Variants in DCAF6 observed in about 807,000 individuals in gnomAD.
DCAF6 encodes DDB1- and CUL4-associated factor 6.
DCAF6 carries 54 observed loss-of-function variants against 125.1 expected under a neutral mutation model. That is an observed-to-expected ratio of 0.43 (90% CI 0.35 to 0.54). DCAF6 has a LOEUF of 0.54. DCAF6 is among the 20% of genes least tolerant of loss of function. The probability of loss-of-function intolerance (pLI) is 0.01; values close to 1 mark genes in which losing one functional copy is unlikely to be tolerated. For missense variants in DCAF6, 934 were observed against 1,161.7 expected (o/e 0.80, Z 2.85); for synonymous variants, 371 against 390.4 (o/e 0.95, Z 0.58).
In DCAF6 at chr1:167,993,213, G is replaced by C. The variant is rs1354119767; in HGVS notation, c.689-13G>C. 1.3e-6 allele frequency: 2 copies of C among 1,590,362 alleles called. No homozygotes were observed. The highest frequency in any genetic ancestry group is 1.8e-5 in the Admixed American group (1 of 55,134). ...CATTATTAATTTTAAATAACTTCTT[G>C]TTTCTTTTTTAGGGAATTATGCAGG... is the stretch of plus-strand genomic sequence containing the variant. On this transcript the variant is annotated splice_polypyrimidine_tract_variant and intron_variant, in intron 6 of 21. Coordinates refer to ENST00000367840, the MANE Select transcript of DCAF6 (RefSeq NM_001198956.2).
chr1:167,869,831 C>G, the DCAF6 span, among the ~76,000 whole-genome samples: 1 of 152,062 alleles, frequency 6.6e-6, no homozygotes, highest in African/African-American at 2.4e-5. Flanking sequence ...TGCCGATTCT[C>G]CCAGCTGATT....
chr1:168,061,369 T>C (rs1691574931), intron 17 of DCAF6, among the ~76,000 whole-genome samples: 1 of 152,226 alleles, frequency 6.6e-6, no homozygotes, highest in Non-Finnish European at 1.5e-5. Flanking sequence ...TAGAAGTATA[T>C]AATTGTTACA....
At chr1:168,002,083 C>T (rs1398125640) in intron 7 of DCAF6, among the ~76,000 whole-genome samples, 2 of 151,962 alleles carry the variant, frequency 1.3e-5, no homozygotes, top group Non-Finnish European at 2.9e-5. Context: ...AATGATGGTT[C>T]CCATTGTTAA....
the DCAF6 span, chr1:167,893,780 T>C: frequency 6.4e-5 from 65 of 1,011,510 alleles, no homozygotes; most frequent in Non-Finnish European, 9.4e-5. Flanking sequence ...GTTTTTTTTT[T>C]CTTAAATCTT....
rs78572274 is a variant in DCAF6 at position 167,937,571 on chromosome 1, A to C, written c.97+563A>C. Among the ~76,000 whole-genome samples, 2 of 152,014 alleles carry C rather than the reference A, an allele frequency of 1.3e-5. 1 individual carries two copies. The highest frequency in any genetic ancestry group is 2.9e-5 in the Non-Finnish European group (2 of 68,000). ...TCTCCCCACCCCCGCGCGCTCTCCC[A>C]GTTCCACTCTGCTCTTCAGTTCGTT... On this transcript the variant is annotated intron_variant, in intron 1 of 21. Coordinates refer to ENST00000367840, the MANE Select transcript of DCAF6 (RefSeq NM_001198956.2).
chr1:167,948,121 G>T (rs1157406542), intron 1 of DCAF6, among the ~76,000 whole-genome samples: 3 of 147,566 alleles, frequency 2.0e-5, no homozygotes, highest in African/African-American at 7.5e-5. Flanking sequence ...ATTATATAAC[G>T]ACTTTCTTAG....
chr1:167,967,000 T>A (rs1247378279), intron 3 of DCAF6, among the ~76,000 whole-genome samples: 1 of 152,096 alleles, frequency 6.6e-6, no homozygotes, highest in African/African-American at 2.4e-5. Flanking sequence ...TCAATAACAT[T>A]TTTTGGGGGA....
intron 21 of DCAF6, 36 bp from the exon 22 acceptor site, chr1:168,075,335 T>C (rs1693683556): frequency 6.4e-7 from 1 of 1,557,612 alleles, no homozygotes; most frequent in Admixed American, 2.1e-5. Context: ...TTACTAAAAG[T>C]ATTTCTCTTT....
At chr1:167,917,597 CAAA>C in the DCAF6 span, 9 of 79,780 alleles carry the variant, frequency 1.1e-4, no homozygotes, top group African/African-American at 1.5e-4. Context: ...GACCCTGTCT[CAAA>C]AAAAAAAAAA....
At chr1:168,048,540 A>G (rs978425308) in intron 16 of DCAF6, among the ~76,000 whole-genome samples, 6 of 152,250 alleles carry the variant, frequency 3.9e-5, no homozygotes, top group African/African-American at 1.4e-4. Context: ...ATTTGGTTAA[A>G]TAAATGACCC....
the DCAF6 span, among the ~76,000 whole-genome samples, chr1:167,922,873 T>A: frequency 1.3e-5 from 2 of 152,098 alleles, no homozygotes; most frequent in Non-Finnish European, 2.9e-5. Flanking sequence ...TTGATTAAAT[T>A]AAAAAACAGG....
At chr1:167,919,678 T>C in the DCAF6 span, among the ~76,000 whole-genome samples, 4 of 152,196 alleles carry the variant, frequency 2.6e-5, no homozygotes, top group African/African-American at 9.7e-5. Flanking sequence ...TTATGTGAGA[T>C]GGTTAACCAT....
the DCAF6 span, among the ~76,000 whole-genome samples, chr1:167,919,609 A>C: frequency 6.6e-5 from 10 of 152,216 alleles, no homozygotes; most frequent in African/African-American, 2.2e-4. Context: ...AAAGTGATAA[A>C]AGGTTTACAT....
intron 17 of DCAF6, among the ~76,000 whole-genome samples, chr1:168,063,156 C>T (rs1336381340): frequency 6.6e-6 from 1 of 151,934 alleles, no homozygotes; most frequent in African/African-American, 2.4e-5. Context: ...CATCTTTAAA[C>T]CACATTTTAA....
At chr1:167,872,776 G>A in the DCAF6 span, among the ~76,000 whole-genome samples, 2 of 149,250 alleles carry the variant, frequency 1.3e-5, no homozygotes, top group Non-Finnish European at 3.0e-5. Context: ...ATCAGACTGA[G>A]AAATATACAC....
Position 168,041,890 on chromosome 1 carries a change from TCGCGCA to T in DCAF6, c.1728-1133_1728-1128del, listed in dbSNP as rs1558017350. Among the ~76,000 whole-genome samples the T allele has an allele frequency of 3.4e-5, 3 of 89,520 alleles. No individual in the cohort carries two copies. In the South Asian group the frequency reaches 9.0e-4, roughly 27 times the overall value. 58.7% of individuals were successfully genotyped at this position (89,520 alleles called of 152,430 possible). ...CTGGTTTAAAAGAAATACATGTTTGTCGCGCACACACACACACACACACACACACAC... is the reference window on the plus strand; with the variant it reads ...CTGGTTTAAAAGAAATACATGTTTGTCACACACACACACACACACACACAC... On this transcript the variant is annotated intron_variant, in intron 13 of 21. Coordinates refer to ENST00000367840, the MANE Select transcript of DCAF6 (RefSeq NM_001198956.2).
chr1:167,954,023 T>G (rs1674382067), intron 2 of DCAF6, among the ~76,000 whole-genome samples: 1 of 152,178 alleles, frequency 6.6e-6, no homozygotes, highest in South Asian at 2.1e-4. Context: ...TTTGTTTGTT[T>G]TGAGACTGAG....
At chr1:167,864,728 A>G in the DCAF6 span, among the ~76,000 whole-genome samples, 1 of 152,222 alleles carries the variant, frequency 6.6e-6, no homozygotes, top group African/African-American at 2.4e-5. Context: ...ATTGATAATT[A>G]AAGGTATTCT....
chr1:168,052,472 TTTC>T (rs1690068567), intron 17 of DCAF6, among the ~76,000 whole-genome samples: 1 of 152,208 alleles, frequency 6.6e-6, no homozygotes, highest in Non-Finnish European at 1.5e-5. Flanking sequence ...CTTCATTTTA[TTTC>T]TTATGTAGAG....
Sources: allele counts gnomAD v4.1 joint callset (sites outside exome capture counted in the v4.1 genomes callset), GRCh38; gene constraint gnomAD v4.1.1; transcripts MANE v1.5; gene names NCBI Gene and HGNC (gene_info 2026-07-23, HGNC 2026-07-21).